Variants in KIF5A observed in about 807,000 individuals in gnomAD.
KIF5A encodes the protein kinesin heavy chain isoform 5A.
Under a neutral mutation model 141.3 loss-of-function variants are expected in KIF5A, and 35 were observed. The ratio of observed to expected loss-of-function variants is 0.25; its 90% CI spans 0.19 to 0.33. The LOEUF (loss-of-function observed/expected upper bound fraction) is 0.33. KIF5A is among the 10% of genes least tolerant of loss of function. The pLI is 1.00. For missense variants in KIF5A, 861 were observed against 1,314.3 expected, an observed-to-expected ratio of 0.66 and a Z score of 5.33; for synonymous variants, 448 against 500.2, an observed-to-expected ratio of 0.90 and a Z score of 1.39.
chr12:57,551,664 CCACAGTGCTTGG>C (rs977234971), intron 1 of KIF5A, among the ~76,000 whole-genome samples: 1 of 152,116 alleles, frequency 6.6e-6, no homozygotes, highest in Non-Finnish European at 1.5e-5. Context: ...GTATCTTTAT[CCACAGTGCTTGG>C]CACAGAGCAC....
intron 26 of KIF5A, 149 bp from the exon 27 acceptor site, chr12:57,582,453 T>C (rs1416726051): frequency 1.8e-5 from 13 of 735,234 alleles, no homozygotes; most frequent in Admixed American, 9.9e-5. Flanking sequence ...AAAATAATGA[T>C]GTAGCTTGGG....
intron 1 of KIF5A, among the ~76,000 whole-genome samples, chr12:57,559,406 T>C (rs990752357): frequency 2.0e-5 from 3 of 152,190 alleles, no homozygotes; most frequent in Non-Finnish European, 2.9e-5. Flanking sequence ...CTTTCATAGG[T>C]AAAAATGGTG....
intron 17 of KIF5A, among the ~76,000 whole-genome samples, 163 bp downstream of exon 17, chr12:57,575,920 C>G (rs1048620378): frequency 2.6e-5 from 4 of 152,214 alleles, no homozygotes; most frequent in African/African-American, 9.6e-5. Flanking sequence ...TTACATTAAC[C>G]ATACACCCTT....
rs139801016 is a variant in KIF5A, at chr12:57,581,887, C to T, written c.2927C>T (p.Thr976Ile). Reference sequence around the variant, plus strand: ...CCATCCAGCTTTGCAAACTCCTGTACCAGCAGTGGAGCCACATCTTCTGGC... The same window carrying T: ...CCATCCAGCTTTGCAAACTCCTGTATCAGCAGTGGAGCCACATCTTCTGGC... ...TSDMYFANSC[T>I]SSGATSSGGP... Residue 976 changes from threonine (T) to isoleucine (I), a missense_variant, in exon 26 of 29, where the codon ACC (threonine) becomes ATC (isoleucine). Transcript: ENST00000455537. 339 of 1,613,994 alleles carry T rather than the reference C, an allele frequency of 2.1e-4. 2 individuals carry two copies. Among genetic ancestry groups the T allele is most frequent in the Middle Eastern group, 1.8e-3 (11 of 6,004 alleles).
At chr12:57,556,584 C>T (rs1011430663) in intron 1 of KIF5A, among the ~76,000 whole-genome samples, 4 of 151,606 alleles carry the variant, frequency 2.6e-5, no homozygotes, top group African/African-American at 7.3e-5. Flanking sequence ...AGAGCGCTCT[C>T]CATTTTAATG....
chr12:57,585,175 A>G lies in KIF5A; in HGVS notation c.*994A>G, dbSNP rs1882721781. On this transcript the variant is annotated 3_prime_UTR_variant, in exon 29 of 29. Coordinates refer to ENST00000455537, the MANE Select transcript of KIF5A (RefSeq NM_004984.4). The stretch of plus-strand genomic sequence containing the variant: ...GAGCTGGATTTCTTTCTTGTTCCAT[A>G]CTGGGCGGCATGCTCCTCCCATCTC... 6.5e-6 allele frequency: 1 copy of G among 153,540 alleles called. No homozygotes were observed. The allele number at this position is 153,540 out of a possible 1,614,324, so 9.5% of individuals were successfully genotyped here. A position where few individuals can be genotyped will look rare whatever the true frequency, so the allele number is the denominator to read the frequency against.
At chr12:57,563,828 A>T (rs188492609) in intron 3 of KIF5A, 135 bp downstream of exon 3, 1 of 842,248 alleles carries the variant, frequency 1.2e-6, no homozygotes, top group East Asian at 2.5e-5. Flanking sequence ...GATGAACTGA[A>T]GGGCAATATT....
chr12:57,576,899 T>C (rs1301345943), intron 20 of KIF5A, 37 bp downstream of exon 20: 1 of 1,484,026 alleles, frequency 6.7e-7, no homozygotes, highest in Non-Finnish European at 9.4e-7. Context: ...ACTACAGCCT[T>C]GTAGGCTCAG....
At position 57,584,838 on chromosome 12, in the gene KIF5A, G is replaced by A. The variant is rs1049442496; in HGVS notation, c.*657G>A. 1 of 152,232 alleles carries A rather than the reference G, an allele frequency of 6.6e-6. No individual in the cohort carries two copies. The highest frequency in any genetic ancestry group is 1.5e-5 in the Non-Finnish European group (1 of 68,034). 9.4% of individuals were successfully genotyped at this position (152,232 alleles called of 1,614,324 possible). On this transcript the variant is annotated 3_prime_UTR_variant, in exon 29 of 29. Coordinates refer to ENST00000455537, the MANE Select transcript of KIF5A (RefSeq NM_004984.4). ...TTCTGCCCTACAAAGTCTGCCTTTTGCCTCCCTCTTCCTGTTTTCCCCTGG... is the reference window on the plus strand; with the variant it reads ...TTCTGCCCTACAAAGTCTGCCTTTTACCTCCCTCTTCCTGTTTTCCCCTGG...
intron 1 of KIF5A, among the ~76,000 whole-genome samples, chr12:57,557,386 T>C (rs985077574): frequency 6.6e-6 from 1 of 152,096 alleles, no homozygotes; most frequent in Non-Finnish European, 1.5e-5. Context: ...AAAATTAAGG[T>C]AGATTTTTCT....
intron 1 of KIF5A, among the ~76,000 whole-genome samples, chr12:57,555,417 GA>G (rs1317080824): frequency 6.6e-6 from 1 of 152,040 alleles, no homozygotes; most frequent in Non-Finnish European, 1.5e-5. Context: ...ATAATCAATA[GA>G]AAATTAAAAG....
rs150797197 is a variant in KIF5A at position 57,584,599 on chromosome 12, ACACG to A, written c.*430_*433del. The A allele has an allele frequency of 0.018, 2,798 of 152,682 alleles. 46 individuals are homozygous for A. The highest frequency in any genetic ancestry group is 0.051 in the Middle Eastern group (15 of 294). 9.5% of individuals were successfully genotyped at this position (152,682 alleles called of 1,614,324 possible). The stretch of plus-strand genomic sequence containing the variant: ...TAGAGGGTTGTGACCCTTCATACAC[ACACG>A]CACGCACGCACACAAACATGCACAC... On this transcript the variant is annotated 3_prime_UTR_variant, in exon 29 of 29. Transcript: ENST00000455537.
Position 57,577,593 on chromosome 12 carries a change from C to T in KIF5A, c.2301-120C>T, listed in dbSNP as rs1262294710. ...CTAGCCTAGGTAACAGAATGAGACC[C>T]TGTTTCACAAAATAACAATAATAGT... is the stretch of plus-strand genomic sequence containing the variant. On this transcript the variant is annotated intron_variant, in intron 20 of 28. Coordinates refer to ENST00000455537, the MANE Select transcript of KIF5A (RefSeq NM_004984.4). 10 of 820,186 alleles carry T rather than the reference C, an allele frequency of 1.2e-5. No homozygotes were observed. In the Admixed American group the frequency reaches 1.6e-4, roughly 13 times the overall value. The allele number at this position is 820,186 out of a possible 1,614,324, so 50.8% of individuals were successfully genotyped here.
In KIF5A at chr12:57,577,003, C is replaced by T. The variant is rs534145019; in HGVS notation, c.2300+141C>T. 1.4e-4 allele frequency: 96 copies of T among 667,084 alleles called. 2 individuals are homozygous for T. In the Middle Eastern group the frequency reaches 2.0e-3, roughly 14 times the overall value. The allele number at this position is 667,084 out of a possible 1,614,324, so 41.3% of individuals were successfully genotyped here. A position where few individuals can be genotyped will look rare whatever the true frequency, so the allele number is the denominator to read the frequency against. On this transcript the variant is annotated intron_variant, in intron 20 of 28. Coordinates refer to ENST00000455537, the MANE Select transcript of KIF5A (RefSeq NM_004984.4). ...AAAATATGATGGGGTAGGGACGGGA[C>T]CAAAAGGACACTCTCAGCAAAGACT...
chr12:57,566,025 A>G (rs546670356), intron 6 of KIF5A, among the ~76,000 whole-genome samples: 4 of 151,854 alleles, frequency 2.6e-5, no homozygotes, highest in South Asian at 2.1e-4. Flanking sequence ...CTTGAGCTCA[A>G]GAGTTTGAGG....
chr12:57,553,131 C>T (rs1325955930), intron 1 of KIF5A, among the ~76,000 whole-genome samples: 2 of 152,062 alleles, frequency 1.3e-5, no homozygotes, highest in African/African-American at 4.8e-5. Flanking sequence ...ACTTTTTCGC[C>T]AGACCCATTT....
chr12:57,560,083 G>A (rs1334167818), intron 1 of KIF5A, among the ~76,000 whole-genome samples: 1 of 152,092 alleles, frequency 6.6e-6, no homozygotes, highest in African/African-American at 2.4e-5. Flanking sequence ...GTAGAGACAT[G>A]GTTTCACCAT....
intron 12 of KIF5A, among the ~76,000 whole-genome samples, chr12:57,570,582 A>G (rs1388883059): frequency 2.6e-5 from 4 of 151,988 alleles, no homozygotes; most frequent in African/African-American, 9.7e-5. Context: ...TATTTTTGGT[A>G]GAAACGGGGT....
intron 1 of KIF5A, among the ~76,000 whole-genome samples, chr12:57,555,452 A>G (rs1200763324): frequency 6.6e-6 from 1 of 152,154 alleles, no homozygotes; most frequent in Non-Finnish European, 1.5e-5. Flanking sequence ...TTAGCCGAGC[A>G]TGGTGGTGGC....
Sources: gnomAD v4.1 joint callset for allele counts (sites outside exome capture counted in the v4.1 genomes callset) on GRCh38, gnomAD v4.1.1 for gene constraint, MANE v1.5 for transcripts, NCBI Gene and HGNC (gene_info 2026-07-23, HGNC 2026-07-21) for gene names.